Variants in ANP32B observed in about 807,000 individuals in gnomAD.
ANP32B encodes acidic nuclear phosphoprotein 32 family member B.
In ANP32B, 6 loss-of-function variants were observed where a neutral mutation model predicts 32.2. The ratio of observed to expected loss-of-function variants is 0.19; its 90% CI spans 0.10 to 0.37. The LOEUF is 0.37. Among genes scored for constraint, ANP32B ranks in the 10% least tolerant of loss-of-function variants. The pLI is 1.00. For synonymous variants in ANP32B, 98 were observed against 105.8 expected (o/e 0.93, Z 0.45); for missense variants, 204 against 289.2 (o/e 0.71, Z 2.14).
intron 1 of ANP32B, among the ~76,000 whole-genome samples, chr9:97,986,317 G>A (rs914812479): frequency 3.9e-5 from 6 of 152,222 alleles, no homozygotes; most frequent in South Asian, 4.1e-4. Context: ...AACATTTTAA[G>A]CCTGAGAAAC....
intron 6 of ANP32B, 21 bp from the exon 7 acceptor site, chr9:98,015,343 T>C: frequency 1.3e-6 from 2 of 1,550,246 alleles, no homozygotes; most frequent in Non-Finnish European, 1.7e-6. Context: ...TGTCCTAAAG[T>C]CAATTTTTGT....
At chr9:97,983,932 G>T (rs1329020673) in intron 1 of ANP32B, among the ~76,000 whole-genome samples, 9 of 151,898 alleles carry the variant, frequency 5.9e-5, no homozygotes, top group Admixed American at 3.3e-4. Context: ...GGCGGGGGTT[G>T]TGTAACGCTG....
intron 4 of ANP32B, among the ~76,000 whole-genome samples, chr9:98,005,583 C>A (rs1039399907): frequency 6.6e-6 from 1 of 152,044 alleles, no homozygotes; most frequent in African/African-American, 2.4e-5. Flanking sequence ...TGTGCGTGCG[C>A]ACGCGTGTAT....
chr9:97,999,869 T>C (rs1310082107), intron 3 of ANP32B, among the ~76,000 whole-genome samples: 1 of 152,132 alleles, frequency 6.6e-6, no homozygotes, highest in Non-Finnish European at 1.5e-5. Flanking sequence ...ATTTAGCATA[T>C]AGGAGGTGTC....
intron 1 of ANP32B, among the ~76,000 whole-genome samples, chr9:97,993,327 G>T (rs1827858536): frequency 6.6e-6 from 1 of 152,204 alleles, no homozygotes; most frequent in Non-Finnish European, 1.5e-5. Context: ...GCAATTACTA[G>T]AGTAGCATCA....
At chr9:97,986,645 C>T (rs894310536) in intron 1 of ANP32B, 1 of 152,228 alleles carries the variant, frequency 6.6e-6, no homozygotes, top group African/African-American at 2.4e-5. Flanking sequence ...TCACATGATA[C>T]CTTATGTGTG....
chr9:97,983,551 G>C lies in ANP32B; in HGVS notation c.-5G>C. 6.3e-7 allele frequency: 1 copy of C among 1,577,622 alleles called. No individual in the cohort carries two copies. The highest frequency in any genetic ancestry group is 8.6e-7 in the Non-Finnish European group (1 of 1,162,782). On this transcript the variant is annotated 5_prime_UTR_variant, in exon 1 of 7. Transcript: ENST00000339399. ...TTAAGTTTGAAGAGGGGGGAAGAGG[G>C]GAACATGGACATGAAGAGGAGGATC...
chr9:98,010,029 TG>T (rs757275136), intron 4 of ANP32B, among the ~76,000 whole-genome samples: 1 of 152,196 alleles, frequency 6.6e-6, no homozygotes, highest in Non-Finnish European at 1.5e-5. Context: ...AAAAACCATT[TG>T]TGCTTGTTGT....
intron 6 of ANP32B, among the ~76,000 whole-genome samples, chr9:98,013,892 C>T (rs1828231836): frequency 6.6e-6 from 1 of 152,006 alleles, no homozygotes; most frequent in Non-Finnish European, 1.5e-5. Flanking sequence ...TGGTGGTGCA[C>T]ACCTATAGTC....
chr9:97,985,831 C>T lies in ANP32B; in HGVS notation c.54+2222C>T, dbSNP rs1489194950. 2.0e-5 allele frequency among the ~76,000 whole-genome samples: 3 copies of T among 149,332 alleles called. No individual in the cohort carries two copies. In the East Asian group the frequency reaches 5.8e-4, roughly 29 times the overall value. ...GTTCATTTTTCTTTTTTCTGTTTTT[C>T]TTTTTTTTTTGAGACTGAGTCTCTC... On this transcript the variant is annotated intron_variant, in intron 1 of 6. Coordinates refer to ENST00000339399, the MANE Select transcript of ANP32B (RefSeq NM_006401.3).
chr9:97,988,231 C>T (rs577398564), intron 1 of ANP32B, among the ~76,000 whole-genome samples: 1 of 152,078 alleles, frequency 6.6e-6, no homozygotes, highest in East Asian at 1.9e-4. Flanking sequence ...TTTAAACATC[C>T]CTCTCAGGTT....
At chr9:97,998,373 A>G (rs1827937655) in intron 2 of ANP32B, among the ~76,000 whole-genome samples, 183 bp from the exon 3 acceptor site, 1 of 152,234 alleles carries the variant, frequency 6.6e-6, no homozygotes, top group African/African-American at 2.4e-5. Flanking sequence ...AATACTTCTG[A>G]CCTTACCTTC....
intron 3 of ANP32B, among the ~76,000 whole-genome samples, chr9:98,001,863 C>T (rs1269700718): frequency 6.6e-6 from 1 of 151,640 alleles, no homozygotes; most frequent in Non-Finnish European, 1.5e-5. Context: ...AAAAAAAAAA[C>T]CTTCGATACA....
At chr9:97,997,663 G>A (rs2131585261) in intron 2 of ANP32B, among the ~76,000 whole-genome samples, 2 of 152,324 alleles carry the variant, frequency 1.3e-5, no homozygotes, top group South Asian at 4.1e-4. Flanking sequence ...TTTGAGCAGT[G>A]CCTGGCATTT....
rs777088502 is a variant in ANP32B at position 98,012,434 on chromosome 9, G to C, written c.650G>C (p.Gly217Ala). The change falls in exon 6 of 7, where the codon GGA becomes GCA. Residue 217 changes from glycine to alanine, a missense_variant. By Grantham distance (60) the Gly-to-Ala change is moderately conservative. Coordinates refer to ENST00000339399, the MANE Select transcript of ANP32B (RefSeq NM_006401.3). ...DEVSEEEEEF[G>A]LDEEDEDEDE... Reference sequence around the variant, plus strand: ...GCTATTCTTTAGGAAGAAGAATTTGGACTTGATGAAGAAGATGAAGATGAG... The same window carrying C: ...GCTATTCTTTAGGAAGAAGAATTTGCACTTGATGAAGAAGATGAAGATGAG... 2 of 1,612,454 alleles carry C rather than the reference G, an allele frequency of 1.2e-6. No individual in the cohort carries two copies. Among genetic ancestry groups the C allele is most frequent in the South Asian group, 1.1e-5 (1 of 90,652 alleles).
At position 97,983,371 on chromosome 9, in the gene ANP32B, G is replaced by GT. The variant is rs1295820989; in HGVS notation, c.-184dup. ...CCCTCCATGGTTTCTCTCCGCTCCCGTGAGTAACTTGGCTCCGGGGGCTCC... is the reference window on the plus strand; with the variant it reads ...CCCTCCATGGTTTCTCTCCGCTCCCGTTGAGTAACTTGGCTCCGGGGGCTCC... On this transcript the variant is annotated 5_prime_UTR_variant, in exon 1 of 7. The change creates a premature stop within an existing upstream ORF in the 5' untranslated region. Coordinates refer to ENST00000339399, the MANE Select transcript of ANP32B (RefSeq NM_006401.3). The GT allele has an allele frequency of 2.7e-5, 15 of 555,100 alleles. No homozygotes were observed. The highest frequency in any genetic ancestry group is 4.8e-5 in the Non-Finnish European group (15 of 311,644). 34.4% of individuals were successfully genotyped at this position (555,100 alleles called of 1,614,324 possible).
rs1202090461 is a variant in ANP32B at position 98,012,450 on chromosome 9, T to A, written c.666T>A (p.Asp222Glu). 1 of 1,611,618 alleles carries A rather than the reference T, an allele frequency of 6.2e-7. No individual in the cohort carries two copies. Among genetic ancestry groups the A allele is most frequent in the African/African-American group, 1.3e-5 (1 of 74,936 alleles). Residue 222 changes from aspartate (D) to glutamate (E), a missense_variant, in exon 6 of 7, where the codon GAT becomes GAA. Asp to Glu is a conservative substitution (Grantham distance 45, BLOSUM62 2). Transcript: ENST00000339399. The stretch of plus-strand genomic sequence containing the variant: ...AAGAATTTGGACTTGATGAAGAAGA[T>A]GAAGATGAGGATGAGGATGAAGGTG... ...EEEEFGLDEE[D>E]EDEDEDEEEE... is the part of the protein sequence containing the mutation.
chr9:97,989,097 T>A (rs1325726360), intron 1 of ANP32B, among the ~76,000 whole-genome samples: 2 of 152,192 alleles, frequency 1.3e-5, no homozygotes, highest in African/African-American at 4.8e-5. Context: ...CCATCTCCTG[T>A]GGCCCCCAGC....
chr9:97,988,641 C>T (rs910862068), intron 1 of ANP32B, among the ~76,000 whole-genome samples: 1 of 152,150 alleles, frequency 6.6e-6, no homozygotes, highest in African/African-American at 2.4e-5. Flanking sequence ...AGGAGAATTG[C>T]TTGAACCCCG....
Sources: gnomAD v4.1 joint callset for allele counts (sites outside exome capture counted in the v4.1 genomes callset) on GRCh38, gnomAD v4.1.1 for gene constraint, MANE v1.5 for transcripts, NCBI Gene and HGNC (gene_info 2026-07-23, HGNC 2026-07-21) for gene names.